CAND1: variants seen among roughly 807,000 people sequenced by gnomAD.
The protein encoded by CAND1 is cullin-associated NEDD8-dissociated protein 1.
CAND1 carries 7 observed loss-of-function variants against 108.5 expected under a neutral mutation model. The ratio of observed to expected loss-of-function variants is 0.06; its 90% CI spans 0.04 to 0.12. CAND1 has a LOEUF of 0.12. CAND1 is among the 10% of genes least tolerant of loss of function. The pLI is 1.00. For missense variants in CAND1, 941 were observed against 1,448.7 expected (o/e 0.65, Z 5.69); for synonymous variants, 534 against 512.0 (o/e 1.04, Z -0.58).
At chr12:67,272,631 G>A (rs1279958266) in intron 1 of CAND1, among the ~76,000 whole-genome samples, 3 of 152,158 alleles carry the variant, frequency 2.0e-5, no homozygotes, top group African/African-American at 7.2e-5. Flanking sequence ...GGAAGCATTA[G>A]GATGAGAAAT....
chr12:67,273,987 A>C (rs1291212221), intron 1 of CAND1, among the ~76,000 whole-genome samples: 1 of 152,206 alleles, frequency 6.6e-6, no homozygotes, highest in African/African-American at 2.4e-5. Context: ...TGGAGAGATT[A>C]AGTACTTGTT....
chr12:67,282,091 T>TC, intron 2 of CAND1, 38 bp downstream of exon 2: 1 of 1,605,850 alleles, frequency 6.2e-7, no homozygotes. Flanking sequence ...TTCTTCCTGC[T>TC]CCCCCAACCC....
In CAND1 at chr12:67,307,426, A is replaced by G; in HGVS notation, c.2959A>G (p.Thr987Ala). 1 of 1,611,350 alleles carries G rather than the reference A, an allele frequency of 6.2e-7. No homozygotes were observed. The highest frequency in any genetic ancestry group is 8.5e-7 in the Non-Finnish European group (1 of 1,178,522). Residue 987 changes from threonine to alanine, a missense_variant, in exon 11 of 15, where the codon ACG (threonine) becomes GCG (alanine). Coordinates refer to ENST00000545606, the MANE Select transcript of CAND1 (RefSeq NM_018448.5). ...ATCATATGCCCGAAGCTCAGTGGTT[A>G]CGGCTGTGAAATTTACAATTTCTGA... is the stretch of plus-strand genomic sequence containing the variant. ...GSSYARSSVVTAVKFTISDHP... is the reference protein window; with the variant it reads ...GSSYARSSVVAAVKFTISDHP...
In CAND1 at chr12:67,269,598, G is replaced by C; in HGVS notation, c.-120G>C. The stretch of plus-strand genomic sequence containing the variant: ...CTAGTCAGCGTCGGCGTCGCGCTGC[G>C]ACCCTGGAAGCGGGAGCCGCCGCGA... On this transcript the variant is annotated 5_prime_UTR_variant, in exon 1 of 15. Transcript: ENST00000545606. 1.2e-6 allele frequency: 1 copy of C among 808,026 alleles called. No individual in the cohort carries two copies. 50.1% of individuals were successfully genotyped at this position (808,026 alleles called of 1,614,324 possible).
Position 67,302,486 on chromosome 12 carries a change from G to A in CAND1, c.1164G>A (p.Glu388=), listed in dbSNP as rs144692083. 1.3e-5 allele frequency: 21 copies of A among 1,614,162 alleles called. No individual in the cohort carries two copies. Among genetic ancestry groups the A allele is most frequent in the East Asian group, 2.2e-5 (1 of 44,880 alleles). The change falls in exon 8 of 15, where the codon GAG becomes GAA. Residue 388 remains glutamate, a synonymous_variant. Transcript: ENST00000545606. ...ALISRFKERE[E]NVKADVFHAY... is the part of the protein sequence containing the mutation. ...TATCCAGATTTAAAGAGCGTGAAGA[G>A]AATGTAAAGGCAGATGTTTTTCACG...
chr12:67,269,834 C>G (rs1439905680), intron 1 of CAND1, 49 bp downstream of exon 1: 1 of 1,522,904 alleles, frequency 6.6e-7, no homozygotes, highest in Non-Finnish European at 9.0e-7. Context: ...CTCGCAGCCG[C>G]GGCCCTGGCC....
Position 67,316,128 on chromosome 12 carries a change from A to C in CAND1, c.*3298A>C, listed in dbSNP as rs544222455. 6 of 152,302 alleles carry C rather than the reference A, an allele frequency of 3.9e-5. No homozygotes were observed. Among genetic ancestry groups the C allele is most frequent in the African/African-American group, 1.4e-4 (6 of 41,540 alleles). 9.4% of individuals were successfully genotyped at this position (152,302 alleles called of 1,614,324 possible). ...GTTTTAAATTGAATCCTAATTTTCA[A>C]ACCACTGCTACCCCAGATTCATACC... On this transcript the variant is annotated 3_prime_UTR_variant, in exon 15 of 15. Transcript: ENST00000545606.
chr12:67,304,036 C>T (rs2044852864), intron 8 of CAND1, among the ~76,000 whole-genome samples: 1 of 147,142 alleles, frequency 6.8e-6, no homozygotes, highest in South Asian at 2.1e-4. Flanking sequence ...TGTTGCCAGG[C>T]TGGAGCGCAG....
In CAND1 at chr12:67,310,086, C is replaced by G. The variant is rs1348845664; in HGVS notation, c.3195+16C>G. 3 of 1,609,942 alleles carry G rather than the reference C, an allele frequency of 1.9e-6. 1 individual carries two copies. Among genetic ancestry groups the G allele is most frequent in the Non-Finnish European group, 2.5e-6 (3 of 1,177,716 alleles). On this transcript the variant is annotated intron_variant, in intron 12 of 14. Transcript: ENST00000545606. ...TATAAGAGAGGTAAGTTAGATCACACTGTTTATTTGAGCTTGTCTTTGACT... is the reference window on the plus strand; with the variant it reads ...TATAAGAGAGGTAAGTTAGATCACAGTGTTTATTTGAGCTTGTCTTTGACT...
Position 67,305,610 on chromosome 12 carries a change from C to G in CAND1, c.1942C>G (p.Leu648Val), listed in dbSNP as rs770102190. ...TTTGAAGATAGATTTGAGGCCTGTT[C>G]TGGGAGAAGGGGTTCCTATCCTTGC... The part of the protein sequence containing the change: ...SPLKIDLRPV[L>V]GEGVPILASF... The change falls in exon 10 of 15, where the codon CTG becomes GTG. Residue 648 changes from leucine to valine, a missense_variant. This residue lies in a region of CAND1 where 697 missense variants were observed against 942.0 expected (regional missense o/e 0.74). Transcript: ENST00000545606. This position sits in a 1 kb window ranked among gnomAD's most constrained non-coding sequence, Gnocchi z 4.4. The G allele has an allele frequency of 1.2e-6, 2 of 1,614,136 alleles. No homozygotes were observed. The highest frequency in any genetic ancestry group is 1.7e-6 in the Non-Finnish European group (2 of 1,180,018).
chr12:67,292,127 G>C (rs10878596), intron 2 of CAND1, among the ~76,000 whole-genome samples: 1 of 151,652 alleles, frequency 6.6e-6, no homozygotes, highest in African/African-American at 2.4e-5. Context: ...TGGTCCTCCC[G>C]AAGTGCTGGG....
At chr12:67,275,474 A>C (rs1152900) in intron 1 of CAND1, among the ~76,000 whole-genome samples, 112,861 of 151,764 alleles carry the variant, frequency 0.74, 42,926 homozygotes, top group African/African-American at 0.9. Context: ...TTGCGTGAGC[A>C]GAGATTGCAC....
At chr12:67,306,627 GTT>G in intron 10 of CAND1, 30 bp downstream of exon 10, 1 of 1,515,062 alleles carries the variant, frequency 6.6e-7, no homozygotes, top group Non-Finnish European at 8.9e-7. Flanking sequence ...TACTTAAAAA[GTT>G]TTTTATTGAT....
intron 2 of CAND1, among the ~76,000 whole-genome samples, chr12:67,282,945 G>C (rs548565545): frequency 6.6e-6 from 1 of 152,230 alleles, no homozygotes; most frequent in South Asian, 2.1e-4. Flanking sequence ...TAAAGAATTT[G>C]AGTTCTCAAT....
intron 10 of CAND1, among the ~76,000 whole-genome samples, chr12:67,306,992 A>G (rs2044893665): frequency 6.6e-6 from 1 of 152,174 alleles, no homozygotes; most frequent in Non-Finnish European, 1.5e-5. Flanking sequence ...CAGATTTACC[A>G]GTGTCATCCC....
Position 67,269,921 on chromosome 12 carries a change from G to A in CAND1, c.68+136G>A. ...CCCGAAGTCTCCAGCCCACCGGTCCGCTGGCCTCCCGATCCCTGCGGAGCC... is the reference window on the plus strand; with the variant it reads ...CCCGAAGTCTCCAGCCCACCGGTCCACTGGCCTCCCGATCCCTGCGGAGCC... On this transcript the variant is annotated intron_variant, in intron 1 of 14. Coordinates refer to ENST00000545606, the MANE Select transcript of CAND1 (RefSeq NM_018448.5). The A allele has an allele frequency of 2.6e-5, 17 of 650,096 alleles. No individual in the cohort carries two copies. The South Asian group carries it at 3.4e-4, about 13-fold the overall frequency. The allele number at this position is 650,096 out of a possible 1,614,324, so 40.3% of individuals were successfully genotyped here. A position where few individuals can be genotyped will look rare whatever the true frequency, so the allele number is the denominator to read the frequency against.
chr12:67,294,854 A>G (rs996370542), intron 3 of CAND1, 179 bp from the exon 4 acceptor site: 2 of 442,940 alleles, frequency 4.5e-6, no homozygotes, highest in African/African-American at 4.1e-5. Flanking sequence ...ATTCTTGTTT[A>G]TTTCTATAAG....
chr12:67,282,099 C>A, intron 2 of CAND1, 46 bp downstream of exon 2: 1 of 1,594,908 alleles, frequency 6.3e-7, no homozygotes, highest in Non-Finnish European at 8.6e-7. Flanking sequence ...GCTCCCCCAA[C>A]CCTGTTTTTA....
chr12:67,285,098 C>A (rs1243100922), intron 2 of CAND1, among the ~76,000 whole-genome samples: 2 of 151,950 alleles, frequency 1.3e-5, no homozygotes, highest in Non-Finnish European at 2.9e-5. Context: ...TCAGAAGATA[C>A]AATAGAAAGG....
Sources: gnomAD v4.1 joint callset for allele counts (sites outside exome capture counted in the v4.1 genomes callset) on GRCh38, gnomAD v4.1.1 for gene constraint, gnomAD v4.1.1 regional missense constraint, Gnocchi (gnomAD v3.1) non-coding constraint, MANE v1.5 for transcripts, NCBI Gene and HGNC (gene_info 2026-07-23, HGNC 2026-07-21) for gene names.